Variants in GALK2 observed in about 807,000 individuals in gnomAD.
The protein encoded by GALK2 is galactokinase 2, also known as N-acetylgalactosamine kinase.
GALK2 carries 36 observed loss-of-function variants against 52.4 expected under a neutral mutation model. That is an observed-to-expected ratio of 0.69 (90% CI 0.53 to 0.91). GALK2 has a LOEUF of 0.91. GALK2 is among the 40% of genes least tolerant of loss of function. The probability of loss-of-function intolerance (pLI) is 0.00; values close to 1 mark genes in which losing one functional copy is unlikely to be tolerated. For synonymous variants in GALK2, 176 were observed against 199.1 expected (o/e 0.88, Z 0.98); for missense variants, 579 against 559.1 (o/e 1.04, Z -0.36).
chr15:49,208,341 A>G (rs2088501177), intron 2 of GALK2, among the ~76,000 whole-genome samples: 1 of 152,064 alleles, frequency 6.6e-6, no homozygotes, highest in Non-Finnish European at 1.5e-5. Context: ...AGAGGTTTTG[A>G]TAGGTTGTGT....
chr15:49,272,665 A>C (rs1329220648), intron 5 of GALK2, among the ~76,000 whole-genome samples: 1 of 152,158 alleles, frequency 6.6e-6, no homozygotes, highest in Non-Finnish European at 1.5e-5. Flanking sequence ...GCACATCCAG[A>C]GTCATCATCT....
chr15:49,313,923 T>C (rs142196325), intron 8 of GALK2, among the ~76,000 whole-genome samples: 1 of 151,948 alleles, frequency 6.6e-6, no homozygotes, highest in Non-Finnish European at 1.5e-5. Context: ...AAGAGGCCAC[T>C]AGCCCTTGCA....
Position 49,282,078 on chromosome 15 carries a change from A to G in GALK2, c.596A>G (p.Glu199Gly), listed in dbSNP as rs2141760981. The change falls in exon 6 of 10, where the codon GAA (glutamate) becomes GGA (glycine). Residue 199 changes from glutamate (E) to glycine (G), a missense_variant. Glu to Gly is a moderately conservative substitution (Grantham distance 98, BLOSUM62 -2). Coordinates refer to ENST00000560031, the MANE Select transcript of GALK2 (RefSeq NM_002044.4). The stretch of plus-strand genomic sequence containing the variant: ...CAGTCTATATCATTTCTTGCAGAAG[A>G]AGGAACTGTAGGTAGCATTCCAAGT... ...MDQSISFLAE[E>G]GTAKLIEFSP... 1 of 1,610,170 alleles carries G rather than the reference A, an allele frequency of 6.2e-7. No individual in the cohort carries two copies. The highest frequency in any genetic ancestry group is 1.1e-5 in the South Asian group (1 of 90,870).
chr15:49,311,844 GA>G (rs1196998145), intron 8 of GALK2, among the ~76,000 whole-genome samples: 1 of 152,196 alleles, frequency 6.6e-6, no homozygotes, highest in African/African-American at 2.4e-5. Context: ...CTTCTAGGGG[GA>G]AACACTCAAA....
chr15:49,334,580 G>A (rs185097496), downstream of GALK2, among the ~76,000 whole-genome samples: 965 of 152,250 alleles, frequency 6.3e-3, 15 homozygotes, highest in African/African-American at 0.022. Context: ...ACTAAGCACA[G>A]GAAGTCTAAG....
rs71120671 is a variant in GALK2 at position 49,178,195 on chromosome 15, CTATATATA to C, written c.53+7845_53+7852del. 1.8e-4 allele frequency among the ~76,000 whole-genome samples: 9 copies of C among 50,530 alleles called. 1 individual carries two copies. In the South Asian group the frequency reaches 2.9e-3, roughly 17 times the overall value. The allele number at this position is 50,530 out of a possible 152,430, so 33.1% of individuals were successfully genotyped here. A position where few individuals can be genotyped will look rare whatever the true frequency, so the allele number is the denominator to read the frequency against. ...AAAAAAAAAAAAAAAAAAAGAAATA[CTATATATA>C]TATATATATATATATATATATATAG... On this transcript the variant is annotated intron_variant, in intron 1 of 9. Coordinates refer to ENST00000560031, the MANE Select transcript of GALK2 (RefSeq NM_002044.4).
chr15:49,282,190 A>G (rs1275152762), intron 6 of GALK2, 105 bp downstream of exon 6: 1 of 731,600 alleles, frequency 1.4e-6, no homozygotes, highest in Non-Finnish European at 2.4e-6. Flanking sequence ...TGGACAGCCT[A>G]CTATATTAGG....
At chr15:49,274,933 C>T (rs1192209488) in intron 5 of GALK2, among the ~76,000 whole-genome samples, 4 of 152,062 alleles carry the variant, frequency 2.6e-5, no homozygotes, top group Non-Finnish European at 5.9e-5. Flanking sequence ...TTCTGGCATA[C>T]CTCCCGAAGA....
chr15:49,214,916 G>A (rs1386506068), intron 2 of GALK2, among the ~76,000 whole-genome samples: 2 of 147,640 alleles, frequency 1.4e-5, no homozygotes, highest in Non-Finnish European at 3.0e-5. Flanking sequence ...GACAGGTCTG[G>A]TGTTGTTGAA....
chr15:49,186,633 G>A lies in GALK2; in HGVS notation c.54-14529G>A, dbSNP rs375178144. 6.0e-5 allele frequency among the ~76,000 whole-genome samples: 9 copies of A among 148,960 alleles called. No homozygotes were observed. The South Asian group carries it at 6.4e-4, about 11-fold the overall frequency. On this transcript the variant is annotated intron_variant, in intron 1 of 9. Transcript: ENST00000560031. Reference sequence around the variant, plus strand: ...CAGCTCACTGCAACCTCCGCCTCCCGGGTTCAAATGATTCTCCTGCCTCAA... The same window carrying A: ...CAGCTCACTGCAACCTCCGCCTCCCAGGTTCAAATGATTCTCCTGCCTCAA...
rs200556221 is a variant in GALK2, at chr15:49,367,562, T to C, written c.*26T>C. The C allele has an allele frequency of 1.4e-5, 22 of 1,604,052 alleles. No individual in the cohort carries two copies. The highest frequency in any genetic ancestry group is 7.0e-5 in the Admixed American group (4 of 56,832). ...AATCAATGGACTCTGACCTCCAAAA[T>C]TGAAGAGAACACGATTAAACTCTGG... On this transcript the variant is annotated 3_prime_UTR_variant, in exon 4 of 4. Transcript: ENST00000558399.
At chr15:49,313,068 A>C (rs1193748036) in intron 8 of GALK2, among the ~76,000 whole-genome samples, 3 of 152,210 alleles carry the variant, frequency 2.0e-5, no homozygotes, top group Admixed American at 1.3e-4. Flanking sequence ...GCTAAGTGTC[A>C]CATAGTTGGG....
Position 49,329,309 on chromosome 15 carries a change from A to G in GALK2, c.*1150A>G, listed in dbSNP as rs2038140667. On this transcript the variant is annotated 3_prime_UTR_variant, in exon 10 of 10. Coordinates refer to ENST00000560031, the MANE Select transcript of GALK2 (RefSeq NM_002044.4). ...ACTGGCTTTCTCTTGTGGATGGACT[A>G]TAGGAAGCACTTTCTGAATTATGTA... 1 of 985,354 alleles carries G rather than the reference A, an allele frequency of 1.0e-6. No homozygotes were observed. The highest frequency in any genetic ancestry group is 4.7e-5 in the South Asian group (1 of 21,292). The allele number at this position is 985,354 out of a possible 1,614,324, so 61.0% of individuals were successfully genotyped here.
At position 49,331,513 on chromosome 15, in the gene GALK2, G is replaced by C. The variant is rs557609552; in HGVS notation, c.*3354G>C. 3.5e-4 allele frequency: 137 copies of C among 392,868 alleles called. No homozygotes were observed. The East Asian group carries it at 5.2e-3, about 15-fold the overall frequency. The allele number at this position is 392,868 out of a possible 1,614,324, so 24.3% of individuals were successfully genotyped here. ...TTTAAACATCAGTGATTATTAGTTT[G>C]TAATTCTAACTGCATTTGGAGCTTT... On this transcript the variant is annotated 3_prime_UTR_variant, in exon 10 of 10. Transcript: ENST00000560031.
chr15:49,306,316 T>C (rs2035541246), intron 8 of GALK2, among the ~76,000 whole-genome samples: 1 of 152,110 alleles, frequency 6.6e-6, no homozygotes, highest in Admixed American at 6.6e-5. Flanking sequence ...TTTTGGGAAA[T>C]AAATAACATA....
chr15:49,224,482 C>A (rs2090011495), intron 3 of GALK2, among the ~76,000 whole-genome samples: 1 of 152,090 alleles, frequency 6.6e-6, no homozygotes, highest in Admixed American at 6.5e-5. Context: ...AATCTTTTAT[C>A]CATCTTGAAT....
intron 5 of GALK2, among the ~76,000 whole-genome samples, chr15:49,248,232 G>C (rs2091440274): frequency 6.6e-6 from 1 of 152,144 alleles, no homozygotes; most frequent in Non-Finnish European, 1.5e-5. Flanking sequence ...ACTATGATTT[G>C]AATGTTTTAA....
chr15:49,240,899 A>G (rs113331383), intron 5 of GALK2, among the ~76,000 whole-genome samples: 3,869 of 152,240 alleles, frequency 0.025, 92 homozygotes, highest in African/African-American at 0.051. Flanking sequence ...CTCCCTGGCT[A>G]TATTACAAAG....
chr15:49,204,275 T>C (rs11854039), intron 2 of GALK2, among the ~76,000 whole-genome samples: 37,952 of 151,530 alleles, frequency 0.25, 5,912 homozygotes, highest in Non-Finnish European at 0.35. Flanking sequence ...GCTTTTCTTT[T>C]CTTCTTCTTC....
Sources: gnomAD v4.1 joint callset for allele counts (sites outside exome capture counted in the v4.1 genomes callset) on GRCh38, gnomAD v4.1.1 for gene constraint, MANE v1.5 for transcripts, NCBI Gene and HGNC (gene_info 2026-07-23, HGNC 2026-07-21) for gene names.